Variants in MACF1 observed in about 807,000 individuals in gnomAD.
The protein encoded by MACF1 is microtubule-actin cross-linking factor 1.
Under a neutral mutation model 854.8 loss-of-function variants are expected in MACF1, and 193 were observed. That is an observed-to-expected ratio of 0.23 (90% confidence interval 0.20 to 0.25). The LOEUF (loss-of-function observed/expected upper bound fraction) is 0.25, where lower values mean the gene tolerates loss of function less well. Ranked by LOEUF, MACF1 falls within the 10% of genes least tolerant of loss-of-function variation. The pLI is 1.00. For missense variants in MACF1, 7,722 were observed against 8,929.1 expected, an observed-to-expected ratio of 0.86 and a Z score of 5.45; for synonymous variants, 3,185 against 3,226.7, an observed-to-expected ratio of 0.99 and a Z score of 0.44.
intron 49 of MACF1, among the ~76,000 whole-genome samples, chr1:39,363,465 C>T (rs369423881): frequency 2.6e-5 from 4 of 152,078 alleles, no homozygotes; most frequent in South Asian, 2.1e-4. Flanking sequence ...GGGTATATTA[C>T]GTAATCCTTT....
intron 5 of MACF1, 47 bp from the exon 6 acceptor site, chr1:39,257,889 A>G (rs1321936896): frequency 7.0e-7 from 1 of 1,422,410 alleles, no homozygotes; most frequent in South Asian, 1.2e-5. Flanking sequence ...ATTTAATCAA[A>G]ACAAAAAGTC....
At chr1:39,171,282 G>C (rs1294507317) in intron 2 of MACF1, among the ~76,000 whole-genome samples, 1 of 151,004 alleles carries the variant, frequency 6.6e-6, no homozygotes, top group Non-Finnish European at 1.5e-5. Flanking sequence ...AAATACACAT[G>C]ACAAAAAATT....
chr1:39,426,494 A>G lies in MACF1; in HGVS notation c.16317-961A>G, dbSNP rs149457901. 3.0e-4 allele frequency among the ~76,000 whole-genome samples: 45 copies of G among 152,326 alleles called. No homozygotes were observed. In the East Asian group the frequency reaches 5.2e-3, roughly 18 times the overall value. On this transcript the variant is annotated intron_variant, in intron 61 of 100. Transcript: ENST00000564288. ...ACAACATTATGACCTTTCATTATTAATCTGCATGCTAATACAGTTCTGTGG... is the reference window on the plus strand; with the variant it reads ...ACAACATTATGACCTTTCATTATTAGTCTGCATGCTAATACAGTTCTGTGG...
rs559390044 is a variant in MACF1 at position 39,094,628 on chromosome 1, G to A, written c.220+10190G>A. ...AGCTACTCGGGAGGCTGAGGCAGGA[G>A]AATTGCTTGAACCTGGGAGGCGGAA... On this transcript the variant is annotated intron_variant, in intron 2 of 93. Transcript: ENST00000361689. Among the ~76,000 whole-genome samples the A allele has an allele frequency of 5.9e-5, 9 of 152,016 alleles. No homozygotes were observed. In the East Asian group the frequency reaches 1.7e-3, roughly 29 times the overall value.
At chr1:39,218,902 T>C (rs1459476315) in intron 1 of MACF1, among the ~76,000 whole-genome samples, 1 of 152,156 alleles carries the variant, frequency 6.6e-6, no homozygotes, top group Non-Finnish European at 1.5e-5. Flanking sequence ...TGCCTCAGCC[T>C]CCCAAGTAGC....
chr1:39,439,242 C>G, intron 71 of MACF1, 32 bp from the exon 72 acceptor site: 1 of 1,364,544 alleles, frequency 7.3e-7, no homozygotes, highest in Non-Finnish European at 1.0e-6. Context: ...TTCAGAAAGT[C>G]CTATTCATAT....
chr1:39,341,937 G>A (rs924562684), intron 40 of MACF1, among the ~76,000 whole-genome samples: 1 of 151,718 alleles, frequency 6.6e-6, no homozygotes, highest in Non-Finnish European at 1.5e-5. Flanking sequence ...ACATGTGCAG[G>A]TTTGTTATAT....
At chr1:39,475,703 G>A (rs1285554349) in intron 97 of MACF1, among the ~76,000 whole-genome samples, 1 of 151,974 alleles carries the variant, frequency 6.6e-6, no homozygotes, top group Non-Finnish European at 1.5e-5. Context: ...GACCTACGTT[G>A]GTGCCAGGGT....
At chr1:39,359,860 G>A (rs1187306118) in intron 47 of MACF1, among the ~76,000 whole-genome samples, 6 of 149,846 alleles carry the variant, frequency 4.0e-5, no homozygotes, top group East Asian at 2.0e-4. Flanking sequence ...GGTGGCAGGC[G>A]CCTGTAATCC....
In MACF1 at chr1:39,105,519, T is replaced by C; in HGVS notation, c.220+21081T>C. 1 of 1,019,230 alleles carries C rather than the reference T, an allele frequency of 9.8e-7. No homozygotes were observed. The highest frequency in any genetic ancestry group is 1.2e-6 in the Non-Finnish European group (1 of 853,308). 63.1% of individuals were successfully genotyped at this position (1,019,230 alleles called of 1,614,324 possible). ...GCGGAGAGCGAGGGCGCCGTCGCCG[T>C]CTCTGAGACGCACAAAGGGTCGAGG... On this transcript the variant is annotated intron_variant, in intron 2 of 93. Coordinates refer to the MACF1 transcript ENST00000361689. This position sits in a 1 kb window ranked among gnomAD's most constrained non-coding sequence, Gnocchi z 5.9.
chr1:39,408,611 C>T (rs1642810357), intron 58 of MACF1, among the ~76,000 whole-genome samples: 1 of 151,920 alleles, frequency 6.6e-6, no homozygotes, highest in Admixed American at 6.5e-5. Context: ...TTGGGCTGGG[C>T]TCGGAGCCGG....
At position 39,459,113 on chromosome 1, in the gene MACF1, C is replaced by T. The variant is rs759718826; in HGVS notation, c.21224C>T (p.Pro7075Leu). Residue 7075 changes from proline (P) to leucine (L), a missense_variant, in exon 91 of 101, where the codon CCT becomes CTT. Physicochemically the swap from Pro to Leu is moderately conservative, Grantham distance 98. Coordinates refer to ENST00000564288, the MANE Select transcript of MACF1 (RefSeq NM_001394062.1). ...GRKSLSQPTPPPMPILSQSEA... is the reference protein window; with the variant it reads ...GRKSLSQPTPLPMPILSQSEA... Reference sequence around the variant, plus strand: ...AAATCCCTAAGTCAGCCAACCCCTCCTCCCATGCCAATCCTTTCACAGTCT... The same window carrying T: ...AAATCCCTAAGTCAGCCAACCCCTCTTCCCATGCCAATCCTTTCACAGTCT... 1 of 1,613,462 alleles carries T rather than the reference C, an allele frequency of 6.2e-7. No individual in the cohort carries two copies. The highest frequency in any genetic ancestry group is 1.1e-5 in the South Asian group (1 of 90,942).
chr1:39,401,007 G>C (rs1642457846), intron 58 of MACF1, among the ~76,000 whole-genome samples: 2 of 152,172 alleles, frequency 1.3e-5, no homozygotes, highest in Admixed American at 6.5e-5. Flanking sequence ...AGCAGTTTTT[G>C]TGGGAACAAT....
chr1:39,386,578 C>T (rs1486534535), intron 57 of MACF1, among the ~76,000 whole-genome samples: 5 of 152,154 alleles, frequency 3.3e-5, no homozygotes, highest in Middle Eastern at 3.4e-3. Context: ...ACTACAAGCA[C>T]GTGCCACCAT....
At chr1:39,207,262 C>A (rs1004267039) in intron 1 of MACF1, among the ~76,000 whole-genome samples, 1 of 133,260 alleles carries the variant, frequency 7.5e-6, no homozygotes, top group Non-Finnish European at 1.5e-5. Flanking sequence ...TTGTTTTTTT[C>A]TTTCTTTCTT....
In MACF1 at chr1:39,427,592, A is replaced by G; in HGVS notation, c.16454A>G (p.Gln5485Arg). The stretch of plus-strand genomic sequence containing the variant: ...GTTGGCACTCAGACTGCCAAAATAC[A>G]GCAGCAGATCATTCGGCACAAGGTA... The part of the protein sequence containing the change: ...EPVGTQTAKI[Q>R]QQIIRHKALE... Residue 5485 changes from glutamine to arginine, a missense_variant, in exon 62 of 101, where the codon CAG (glutamine) becomes CGG (arginine). Coordinates refer to ENST00000564288, the MANE Select transcript of MACF1 (RefSeq NM_001394062.1). 1 of 1,614,108 alleles carries G rather than the reference A, an allele frequency of 6.2e-7. No individual in the cohort carries two copies. Among genetic ancestry groups the G allele is most frequent in the Non-Finnish European group, 8.5e-7 (1 of 1,179,986 alleles).
intron 2 of MACF1, among the ~76,000 whole-genome samples, chr1:39,112,327 G>T (rs1158076834): frequency 1.3e-5 from 2 of 151,954 alleles, no homozygotes; most frequent in African/African-American, 2.4e-5. Context: ...TTTGTGATCT[G>T]CCCTCCTCGA....
chr1:39,205,159 T>G lies in MACF1; in HGVS notation c.109+28T>G, dbSNP rs41270795. The stretch of plus-strand genomic sequence containing the variant: ...AACTAACTGGTACCCAGTTATTCTT[T>G]AAATCTACTGTGGGGCTTTTGAGGG... On this transcript the variant is annotated intron_variant, in intron 1 of 100. Transcript: ENST00000564288. 7.1e-6 allele frequency: 5 copies of G among 702,864 alleles called. No individual in the cohort carries two copies. In the South Asian group the frequency reaches 7.4e-5, roughly 10 times the overall value. The allele number at this position is 702,864 out of a possible 1,614,324, so 43.5% of individuals were successfully genotyped here. A position where few individuals can be genotyped will look rare whatever the true frequency, so the allele number is the denominator to read the frequency against.
rs546996190 is a variant in MACF1 at position 39,335,768 on chromosome 1, T to C, written c.9180T>C (p.Ala3060=). 6.2e-7 allele frequency: 1 copy of C among 1,614,204 alleles called. No individual in the cohort carries two copies. The highest frequency in any genetic ancestry group is 1.3e-5 in the African/African-American group (1 of 75,056). ...PQGISVKHLD[A]LTLFSSKQAN... is the part of the protein sequence containing the mutation. ...GAATTTCTGTAAAACATTTAGATGC[T>C]TTAACACTCTTCAGCTCTAAACAGG... is the stretch of plus-strand genomic sequence containing the variant. The change falls in exon 37 of 101, where the codon GCT becomes GCC. Residue 3060 remains alanine, a synonymous_variant. Coordinates refer to ENST00000564288, the MANE Select transcript of MACF1 (RefSeq NM_001394062.1).
Sources: gnomAD v4.1 joint callset for allele counts (sites outside exome capture counted in the v4.1 genomes callset) on GRCh38, gnomAD v4.1.1 for gene constraint, Gnocchi (gnomAD v3.1) non-coding constraint, MANE v1.5 for transcripts, NCBI Gene and HGNC (gene_info 2026-07-23, HGNC 2026-07-21) for gene names.